STXBP5L: variants seen among roughly 807,000 people sequenced by gnomAD.
STXBP5L encodes syntaxin binding protein 5L.
In STXBP5L, 65 loss-of-function variants were observed where a neutral mutation model predicts 144.5. The observed-to-expected ratio is 0.45, with a 90% CI of 0.37 to 0.55. The LOEUF (loss-of-function observed/expected upper bound fraction) is 0.55. Ranked by LOEUF, STXBP5L falls within the 20% of genes least tolerant of loss-of-function variation. STXBP5L has a pLI of 0.00. For missense variants in STXBP5L, 1,298 were observed against 1,405.5 expected (o/e 0.92, Z 1.22); for synonymous variants, 505 against 469.6 (o/e 1.08, Z -0.97).
intron 9 of STXBP5L, among the ~76,000 whole-genome samples, chr3:121,190,073 T>C (rs966829470): frequency 6.6e-6 from 1 of 152,036 alleles, no homozygotes; most frequent in African/African-American, 2.4e-5. Context: ...ATTTTTTTAG[T>C]ATTTATTGAT....
intron 19 of STXBP5L, among the ~76,000 whole-genome samples, chr3:121,313,718 C>T (rs1475848724): frequency 1.1e-5 from 1 of 91,024 alleles, no homozygotes; most frequent in African/African-American, 4.2e-5. Context: ...GACGGGGCGG[C>T]TGGCCGGGCG....
intron 23 of STXBP5L, among the ~76,000 whole-genome samples, chr3:121,412,402 T>C (rs574309916): frequency 6.6e-6 from 1 of 152,180 alleles, no homozygotes; most frequent in East Asian, 1.9e-4. Flanking sequence ...GCACCCACCA[T>C]ACTACTGCTA....
rs4048752 is a variant in STXBP5L at position 121,241,376 on chromosome 3, TACACACACAC to T, written c.1400+894_1400+903del. On this transcript the variant is annotated intron_variant, in intron 14 of 26. Coordinates refer to ENST00000471454, the MANE Select transcript of STXBP5L (RefSeq NM_001308330.2). ...TAGGTTTAACAACAACACACACACATACACACACACACACACACACACACACACACACACG... is the reference window on the plus strand; with the variant it reads ...TAGGTTTAACAACAACACACACACATACACACACACACACACACACACACG... Among the ~76,000 whole-genome samples, 1,119 of 146,150 alleles carry T rather than the reference TACACACACAC, an allele frequency of 7.7e-3. 10 individuals carry two copies. The highest frequency in any genetic ancestry group is 0.035 in the Middle Eastern group (10 of 286).
At chr3:121,016,603 C>T (rs145127386) in intron 3 of STXBP5L, among the ~76,000 whole-genome samples, 1 of 152,204 alleles carries the variant, frequency 6.6e-6, no homozygotes, top group East Asian at 1.9e-4. Context: ...ATAGAATATC[C>T]AATAACTGTG....
At chr3:121,375,713 A>G (rs1229390637) in intron 20 of STXBP5L, among the ~76,000 whole-genome samples, 1 of 152,190 alleles carries the variant, frequency 6.6e-6, no homozygotes, top group Non-Finnish European at 1.5e-5. Context: ...TCTTTGCACT[A>G]TCTGCAAGGG....
chr3:121,390,031 G>A (rs966108944), intron 22 of STXBP5L, among the ~76,000 whole-genome samples: 1 of 152,144 alleles, frequency 6.6e-6, no homozygotes, highest in Non-Finnish European at 1.5e-5. Context: ...AAGTCTCTTT[G>A]TATGTCTCTA....
At chr3:120,959,798 A>C (rs1938537605) in intron 3 of STXBP5L, among the ~76,000 whole-genome samples, 2 of 152,194 alleles carry the variant, frequency 1.3e-5, no homozygotes, top group South Asian at 4.1e-4. Flanking sequence ...AAACCATAAA[A>C]ACCCTAGAAG....
chr3:121,108,142 A>G (rs2043804284), intron 5 of STXBP5L, among the ~76,000 whole-genome samples: 1 of 152,172 alleles, frequency 6.6e-6, no homozygotes, highest in Non-Finnish European at 1.5e-5. Flanking sequence ...TATATGTACG[A>G]TTATGTTATC....
chr3:121,153,887 T>C (rs2046023074), intron 8 of STXBP5L, among the ~76,000 whole-genome samples: 1 of 151,926 alleles, frequency 6.6e-6, no homozygotes, highest in Admixed American at 6.6e-5. Context: ...AGTTTCCTTT[T>C]GTTATACAAA....
chr3:121,172,435 A>G (rs746581165), intron 9 of STXBP5L, among the ~76,000 whole-genome samples: 4 of 152,210 alleles, frequency 2.6e-5, no homozygotes, highest in African/African-American at 9.7e-5. Context: ...CAATCTATCC[A>G]TCTGACAAAG....
In STXBP5L at chr3:121,121,693, G is replaced by T. The variant is rs2044472146; in HGVS notation, c.658G>T (p.Asp220Tyr). 1.9e-6 allele frequency: 3 copies of T among 1,600,774 alleles called. No homozygotes were observed. Among genetic ancestry groups the T allele is most frequent in the Non-Finnish European group, 2.6e-6 (3 of 1,170,140 alleles). ...TGTACATTTAAGCGATAGCCCAAGAGATGAAGGCAAAGTGAGTATTATGAT... is the reference window on the plus strand; with the variant it reads ...TGTACATTTAAGCGATAGCCCAAGATATGAAGGCAAAGTGAGTATTATGAT... ...PVVHLSDSPRDEGKLLIGYEN... is the reference protein window; with the variant it reads ...PVVHLSDSPRYEGKLLIGYEN... Residue 220 changes from aspartate to tyrosine, a missense_variant, in exon 7 of 27, where the codon GAT becomes TAT. Physicochemically the swap from Asp to Tyr is radical, Grantham distance 160. Coordinates refer to ENST00000471454, the MANE Select transcript of STXBP5L (RefSeq NM_001308330.2).
intron 19 of STXBP5L, among the ~76,000 whole-genome samples, chr3:121,309,154 A>G (rs1424157180): frequency 3.3e-5 from 5 of 152,116 alleles, no homozygotes; most frequent in African/African-American, 9.7e-5. Flanking sequence ...ACCCAACTAT[A>G]TCAATAATAT....
intron 15 of STXBP5L, among the ~76,000 whole-genome samples, chr3:121,251,238 G>A (rs552224979): frequency 5.9e-5 from 9 of 152,082 alleles, no homozygotes; most frequent in African/African-American, 1.9e-4. Context: ...AATAAATAAG[G>A]TACTCTGCTC....
At chr3:121,034,135 T>C (rs1946583740) in intron 3 of STXBP5L, among the ~76,000 whole-genome samples, 2 of 152,182 alleles carry the variant, frequency 1.3e-5, no homozygotes, top group African/African-American at 4.8e-5. Flanking sequence ...GTTTTCTTTA[T>C]TTTTTTCTGA....
chr3:121,284,143 C>T (rs2051154759), intron 19 of STXBP5L, among the ~76,000 whole-genome samples: 7 of 151,842 alleles, frequency 4.6e-5, no homozygotes, highest in Admixed American at 3.9e-4. Flanking sequence ...TGAGAAATCT[C>T]AATAATATAT....
chr3:121,192,175 C>A (rs1038958337), intron 9 of STXBP5L, among the ~76,000 whole-genome samples: 3 of 152,154 alleles, frequency 2.0e-5, no homozygotes, highest in Non-Finnish European at 4.4e-5. Flanking sequence ...TTCTTATACA[C>A]CAATAACAGA....
At chr3:121,013,404 G>T (rs146311119) in intron 3 of STXBP5L, among the ~76,000 whole-genome samples, 303 of 152,118 alleles carry the variant, frequency 2.0e-3, no homozygotes, top group Non-Finnish European at 3.0e-3. Flanking sequence ...GTGTGAGATG[G>T]TATCATATTG....
At chr3:121,167,341 A>T (rs2046536080) in intron 9 of STXBP5L, among the ~76,000 whole-genome samples, 1 of 152,246 alleles carries the variant, frequency 6.6e-6, no homozygotes, top group South Asian at 2.1e-4. Flanking sequence ...ATTGGAATCC[A>T]TCCTCATATA....
At chr3:121,021,593 G>A (rs144532591) in intron 3 of STXBP5L, among the ~76,000 whole-genome samples, 135 of 152,140 alleles carry the variant, frequency 8.9e-4, no homozygotes, top group East Asian at 7.7e-3. Flanking sequence ...GAATATAACT[G>A]GAAATCATCT....
Sources: gnomAD v4.1 joint callset for allele counts (sites outside exome capture counted in the v4.1 genomes callset) on GRCh38, gnomAD v4.1.1 for gene constraint, MANE v1.5 for transcripts, NCBI Gene and HGNC (gene_info 2026-07-23, HGNC 2026-07-21) for gene names.